Variants in MTMR9 observed in about 807,000 individuals in gnomAD.
MTMR9 encodes myotubularin-related protein 9.
A neutral mutation model predicts 69.5 loss-of-function variants in MTMR9; 39 were observed. The observed-to-expected ratio is 0.56, with a 90% CI of 0.43 to 0.73. The LOEUF is 0.73. Ranked by LOEUF, MTMR9 falls within the 30% of genes least tolerant of loss-of-function variation. The pLI is 0.00. For missense variants in MTMR9, 900 were observed against 671.2 expected (o/e 1.34, Z -3.77); for synonymous variants, 354 against 240.8 (o/e 1.47, Z -4.35).
chr8:11,295,895 C>T (rs973966489), intron 2 of MTMR9, among the ~76,000 whole-genome samples: 2 of 152,098 alleles, frequency 1.3e-5, no homozygotes, highest in African/African-American at 2.4e-5. Flanking sequence ...TTGACTATTC[C>T]CATCTGCCCT....
In MTMR9 at chr8:11,323,307, C is replaced by G. The variant is rs1188117219; in HGVS notation, c.*519C>G. The G allele has an allele frequency of 6.6e-6, 1 of 152,196 alleles. No individual in the cohort carries two copies. The highest frequency in any genetic ancestry group is 1.5e-5 in the Non-Finnish European group (1 of 68,010). The allele number at this position is 152,196 out of a possible 1,614,324, so 9.4% of individuals were successfully genotyped here. On this transcript the variant is annotated 3_prime_UTR_variant, in exon 10 of 10. Coordinates refer to ENST00000221086, the MANE Select transcript of MTMR9 (RefSeq NM_015458.4). ...CTTCGCCACATAAAATAGCCATTTT[C>G]TTTAAAATAGTTTTGGACTAACGAA...
At chr8:11,286,581 G>T (rs144183525) in intron 1 of MTMR9, among the ~76,000 whole-genome samples, 1 of 147,616 alleles carries the variant, frequency 6.8e-6, no homozygotes, top group African/African-American at 2.5e-5. Flanking sequence ...CGGAAAAATC[G>T]CTTGAACCTT....
intron 6 of MTMR9, among the ~76,000 whole-genome samples, chr8:11,313,679 A>G (rs1011650247): frequency 2.6e-5 from 4 of 152,198 alleles, no homozygotes; most frequent in Admixed American, 2.6e-4. Flanking sequence ...AGTCAAAGGA[A>G]CAGCTGGTTA....
intron 9 of MTMR9, among the ~76,000 whole-genome samples, chr8:11,322,042 G>C (rs1274559978): frequency 6.6e-6 from 1 of 152,090 alleles, no homozygotes; most frequent in African/African-American, 2.4e-5. Context: ...CATAATAAAA[G>C]GATAATTATT....
rs1288120341 is a variant in MTMR9, at chr8:11,324,983, G to T, written c.*2195G>T. ...CATGGAGGGATGATGTACCATCAAGGTAGACCCATCTTCCTGATGCACATT... is the reference window on the plus strand; with the variant it reads ...CATGGAGGGATGATGTACCATCAAGTTAGACCCATCTTCCTGATGCACATT... On this transcript the variant is annotated 3_prime_UTR_variant, in exon 10 of 10. Coordinates refer to ENST00000221086, the MANE Select transcript of MTMR9 (RefSeq NM_015458.4). 6.6e-6 allele frequency: 1 copy of T among 152,372 alleles called. No homozygotes were observed. Among genetic ancestry groups the T allele is most frequent in the African/African-American group, 2.4e-5 (1 of 41,584 alleles). 9.4% of individuals were successfully genotyped at this position (152,372 alleles called of 1,614,324 possible).
intron 1 of MTMR9, among the ~76,000 whole-genome samples, chr8:11,287,985 AAT>A (rs1322355061): frequency 9.7e-5 from 12 of 123,172 alleles, no homozygotes; most frequent in African/African-American, 2.7e-4. Flanking sequence ...TGTATTATAT[AAT>A]ATATATTACA....
rs750607253 is a variant in MTMR9, at chr8:11,316,694, C to T, written c.1135C>T (p.Arg379Cys). ...WLQAGHPFQQ[R>C]CAQSAYCNTK... is the part of the protein sequence containing the mutation. ...CTAGGCTGGTCACCCATTCCAGCAG[C>T]GCTGTGCACAGTCAGCCTACTGTAA... The change falls in exon 8 of 10, where the codon CGC becomes TGC. Residue 379 changes from arginine (R) to cysteine (C), a missense_variant. Arg to Cys is a radical substitution (Grantham distance 180). Transcript: ENST00000221086. 4.4e-6 allele frequency: 7 copies of T among 1,608,800 alleles called. No homozygotes were observed. Among genetic ancestry groups the T allele is most frequent in the Middle Eastern group, 1.7e-4 (1 of 6,030 alleles).
At chr8:11,288,499 A>G (rs1056378386) in intron 1 of MTMR9, among the ~76,000 whole-genome samples, 1 of 151,818 alleles carries the variant, frequency 6.6e-6, no homozygotes, top group African/African-American at 2.4e-5. Flanking sequence ...CCGGAATGAA[A>G]TGAGGAAGCT....
chr8:11,330,509 A>G (rs1801170813), downstream of MTMR9, among the ~76,000 whole-genome samples: 1 of 152,200 alleles, frequency 6.6e-6, no homozygotes, highest in East Asian at 1.9e-4. Flanking sequence ...TAGAGAAATC[A>G]GATTGTTGCT....
At position 11,327,947 on chromosome 8, in the gene MTMR9, T is replaced by G. The variant is rs1801020035; in HGVS notation, c.*5159T>G. The G allele has an allele frequency of 6.6e-6, 1 of 152,184 alleles. No homozygotes were observed. Among genetic ancestry groups the G allele is most frequent in the South Asian group, 2.1e-4 (1 of 4,824 alleles). 9.4% of individuals were successfully genotyped at this position (152,184 alleles called of 1,614,324 possible). A position where few individuals can be genotyped will look rare whatever the true frequency, so the allele number is the denominator to read the frequency against. On this transcript the variant is annotated 3_prime_UTR_variant, in exon 10 of 10. Transcript: ENST00000221086. ...CCCTGTACCCTATAACTGTAATCATTCACCTTGGGTTGGCCGGTTTGTCAA... is the reference window on the plus strand; with the variant it reads ...CCCTGTACCCTATAACTGTAATCATGCACCTTGGGTTGGCCGGTTTGTCAA...
At position 11,323,080 on chromosome 8, in the gene MTMR9, A is replaced by G. The variant is rs888817502; in HGVS notation, c.*292A>G. ...TTTAATGCCATTTGTGTTTCATGCC[A>G]TTTTATCCAAAGCTTTTTCTCTGTG... On this transcript the variant is annotated 3_prime_UTR_variant, in exon 10 of 10. Coordinates refer to ENST00000221086, the MANE Select transcript of MTMR9 (RefSeq NM_015458.4). The G allele has an allele frequency of 1.8e-5, 4 of 220,366 alleles. No homozygotes were observed. Among genetic ancestry groups the G allele is most frequent in the African/African-American group, 6.9e-5 (3 of 43,322 alleles). The allele number at this position is 220,366 out of a possible 1,614,324, so 13.7% of individuals were successfully genotyped here.
chr8:11,332,218 A>T (rs1388730790), downstream of MTMR9: 7 of 1,492,128 alleles, frequency 4.7e-6, no homozygotes, highest in South Asian at 8.1e-5. Context: ...AAATAATTAT[A>T]ATAAATCCTA....
intron 1 of MTMR9, 42 bp downstream of exon 1, chr8:11,285,112 T>C: frequency 6.7e-7 from 1 of 1,489,584 alleles, no homozygotes; most frequent in Admixed American, 2.3e-5. Context: ...GAGCCGGGGG[T>C]CCCTTGTGGG....
chr8:11,314,960 A>G lies in MTMR9; in HGVS notation c.1009A>G (p.Thr337Ala), dbSNP rs1434113575. ...ASILIHGTEG[T>A]DSTLQVTSLA... Reference sequence around the variant, plus strand: ...AATATTGATTCACGGAACAGAAGGAACTGATTCCACACTCCAGGTGACCTC... The same window carrying G: ...AATATTGATTCACGGAACAGAAGGAGCTGATTCCACACTCCAGGTGACCTC... Residue 337 changes from threonine (T) to alanine (A), a missense_variant, in exon 7 of 10, where the codon ACT becomes GCT. Thr to Ala is a moderately conservative substitution (Grantham distance 58). Transcript: ENST00000221086. The G allele has an allele frequency of 1.2e-6, 2 of 1,613,938 alleles. No homozygotes were observed. Among genetic ancestry groups the G allele is most frequent in the Non-Finnish European group, 1.7e-6 (2 of 1,179,886 alleles).
chr8:11,321,239 T>G (rs1011322273), intron 9 of MTMR9: 1 of 349,442 alleles, frequency 2.9e-6, no homozygotes, highest in Non-Finnish European at 5.7e-6. Context: ...TGAGCTTTAG[T>G]GCTTTGATTT....
At chr8:11,296,564 C>T (rs1529854) in intron 2 of MTMR9, among the ~76,000 whole-genome samples, 3,479 of 152,238 alleles carry the variant, frequency 0.023, 299 homozygotes, top group Admixed American at 0.16. Context: ...CTCCTGAGAA[C>T]CCCCATTCTA....
At chr8:11,307,017 A>T (rs547604751) in intron 5 of MTMR9, among the ~76,000 whole-genome samples, 13 of 152,284 alleles carry the variant, frequency 8.5e-5, no homozygotes, top group African/African-American at 1.4e-4. Context: ...ATATAGCATG[A>T]TGTCATCCAG....
At chr8:11,287,868 TTATAA>T (rs951605651) in intron 1 of MTMR9, among the ~76,000 whole-genome samples, 39 of 110,240 alleles carry the variant, frequency 3.5e-4, no homozygotes, top group Non-Finnish European at 5.4e-4. Flanking sequence ...ATATATTATA[TTATAA>T]TATATAACAT....
At chr8:11,318,073 G>A (rs547773137) in intron 8 of MTMR9, 1 of 152,320 alleles carries the variant, frequency 6.6e-6, no homozygotes, top group Non-Finnish European at 1.5e-5. Flanking sequence ...GTAAAGCAAT[G>A]TATATAAGTT....
Sources: gnomAD v4.1 joint callset for allele counts (sites outside exome capture counted in the v4.1 genomes callset) on GRCh38, gnomAD v4.1.1 for gene constraint, MANE v1.5 for transcripts, NCBI Gene and HGNC (gene_info 2026-07-23, HGNC 2026-07-21) for gene names.